CDH3: variants seen among roughly 807,000 people sequenced by gnomAD.
CDH3 encodes cadherin 3.
In CDH3, 54 loss-of-function variants were observed where a neutral mutation model predicts 82.0. The observed-to-expected ratio is 0.66, with a 90% confidence interval of 0.53 to 0.83. The LOEUF (loss-of-function observed/expected upper bound fraction) is 0.83. CDH3 is among the 40% of genes least tolerant of loss of function. The pLI is 0.00. For synonymous variants in CDH3, 446 were observed against 437.9 expected (o/e 1.02, Z -0.23); for missense variants, 1,054 against 1,084.6 (o/e 0.97, Z 0.40).
chr16:68,663,802 A>G (rs1247482594), intron 2 of CDH3, among the ~76,000 whole-genome samples: 1 of 151,412 alleles, frequency 6.6e-6, no homozygotes. Flanking sequence ...TTAATCAGAT[A>G]TTTTATTTTT....
At chr16:68,705,802 A>ACGCCTGTAATCC (rs1254219029) in intron 1 of CDH3, among the ~76,000 whole-genome samples, 2 of 149,164 alleles carry the variant, frequency 1.3e-5, no homozygotes, top group African/African-American at 4.9e-5. Context: ...GCGGTGGCTC[A>ACGCCTGTAATCC]CGCCTGTAAT....
downstream of CDH3, among the ~76,000 whole-genome samples, chr16:68,702,859 C>G (rs1961913672): frequency 6.6e-6 from 1 of 151,194 alleles, no homozygotes; most frequent in African/African-American, 2.4e-5. Flanking sequence ...AGCATGACTC[C>G]ATCTCAAAAA....
rs979684911 is a variant in CDH3, at chr16:68,645,325, G to A, written c.-55G>A. On this transcript the variant is annotated 5_prime_UTR_variant, in exon 1 of 16. Coordinates refer to ENST00000264012, the MANE Select transcript of CDH3 (RefSeq NM_001793.6). The stretch of plus-strand genomic sequence containing the variant: ...TGCGGTGCTCAAAGGGGCAAGAGCT[G>A]AGCGGAACACCGGCCCGCCGTCGCG... The A allele has an allele frequency of 1.4e-5, 22 of 1,585,252 alleles. No homozygotes were observed. The African/African-American group carries it at 3.0e-4, about 21-fold the overall frequency.
At chr16:68,712,646 T>G (rs1597828539) in intron 1 of CDH3, among the ~76,000 whole-genome samples, 2 of 151,980 alleles carry the variant, frequency 1.3e-5, no homozygotes, top group East Asian at 3.9e-4. Flanking sequence ...GTGGGAGAAC[T>G]TGGCTGAAAT....
intron 2 of CDH3, among the ~76,000 whole-genome samples, chr16:68,663,092 C>G (rs1451198844): frequency 6.6e-6 from 1 of 151,888 alleles, no homozygotes; most frequent in African/African-American, 2.4e-5. Flanking sequence ...TCTCAAACTC[C>G]TGACCTCATG....
At chr16:68,684,300 A>G (rs1961332812) in intron 9 of CDH3, among the ~76,000 whole-genome samples, 1 of 152,162 alleles carries the variant, frequency 6.6e-6, no homozygotes, top group African/African-American at 2.4e-5. Context: ...CATGAGCCAC[A>G]ATGCCAGGCC....
In CDH3 at chr16:68,710,387, T is replaced by A. The variant is rs533538803; in HGVS notation, c.100-12038T>A. Reference sequence around the variant, plus strand: ...AGTGGTTCTCAACCAGGGGTAGTTATGCCATCTCAGGGGATATTTGGCAAT... The same window carrying A: ...AGTGGTTCTCAACCAGGGGTAGTTAAGCCATCTCAGGGGATATTTGGCAAT... On this transcript the variant is annotated intron_variant, in intron 1 of 2. Coordinates refer to the CDH3 transcript ENST00000569080. Among the ~76,000 whole-genome samples, 6 of 152,356 alleles carry A rather than the reference T, an allele frequency of 3.9e-5. No individual in the cohort carries two copies. In the South Asian group the frequency reaches 1.2e-3, roughly 32 times the overall value.
At position 68,684,625 on chromosome 16, in the gene CDH3, GAAGTGACC is replaced by G; in HGVS notation, c.1228_1235del (p.Val410ArgfsTer24). ...CAAAAACCAGCACACCCTGTACGTT[GAAGTGACC>G]AACGAGGCCCCTTTTGTGCTGAAGC... On this transcript the variant is annotated frameshift_variant, in exon 10 of 16. Transcript: ENST00000264012. LOFTEE classifies it high-confidence loss of function. 1 of 1,614,194 alleles carries G rather than the reference GAAGTGACC, an allele frequency of 6.2e-7. No homozygotes were observed. The highest frequency in any genetic ancestry group is 8.5e-7 in the Non-Finnish European group (1 of 1,180,040).
At chr16:68,664,181 C>T (rs971866914) in intron 2 of CDH3, among the ~76,000 whole-genome samples, 14 of 151,988 alleles carry the variant, frequency 9.2e-5, no homozygotes, top group Non-Finnish European at 1.8e-4. Context: ...ATGCTATTCC[C>T]TGGGGGAGAA....
chr16:68,681,198 C>G, intron 8 of CDH3, 102 bp downstream of exon 8: 2 of 1,287,480 alleles, frequency 1.6e-6, no homozygotes, highest in South Asian at 1.2e-5. Context: ...AAATGCCAGT[C>G]TCAGCACTAT....
chr16:68,699,240 C>T lies in CDH3; in HGVS notation c.*840C>T, dbSNP rs1264025935. The stretch of plus-strand genomic sequence containing the variant: ...GCAGGGGATACTCAGGGTCAGCTTC[C>T]ATGCCTAAGTGGGCTCAGGGAGGGG... On this transcript the variant is annotated 3_prime_UTR_variant, in exon 16 of 16. Coordinates refer to ENST00000264012, the MANE Select transcript of CDH3 (RefSeq NM_001793.6). The T allele has an allele frequency of 6.6e-6, 1 of 152,188 alleles. No individual in the cohort carries two copies. Among genetic ancestry groups the T allele is most frequent in the Non-Finnish European group, 1.5e-5 (1 of 68,066 alleles). 9.4% of individuals were successfully genotyped at this position (152,188 alleles called of 1,614,324 possible). A position where few individuals can be genotyped will look rare whatever the true frequency, so the allele number is the denominator to read the frequency against.
At chr16:68,671,944 AAAACT>A (rs1960893742) in intron 2 of CDH3, among the ~76,000 whole-genome samples, 1 of 152,188 alleles carries the variant, frequency 6.6e-6, no homozygotes, top group African/African-American at 2.4e-5. Context: ...GTGTTAAGGG[AAAACT>A]TGGACCTGCA....
In CDH3 at chr16:68,662,208, G is replaced by C. The variant is rs557399524; in HGVS notation, c.161-14177G>C. On this transcript the variant is annotated intron_variant, in intron 2 of 15. Transcript: ENST00000264012. ...GCAAGGAGACACTGTTCCAGACAGA[G>C]GGAGTAGTGTGTGCAAAGGCCCTGT... is the stretch of plus-strand genomic sequence containing the variant. 1.1e-4 allele frequency among the ~76,000 whole-genome samples: 17 copies of C among 152,318 alleles called. No individual in the cohort carries two copies. The South Asian group carries it at 3.3e-3, about 30-fold the overall frequency.
At chr16:68,712,040 T>TTC (rs1555508293) in intron 1 of CDH3, among the ~76,000 whole-genome samples, 1 of 125,498 alleles carries the variant, frequency 8.0e-6, no homozygotes. Context: ...TTGTTTTCTT[T>TTC]TTTTTTTTTT....
Position 68,652,670 on chromosome 16 carries a change from C to T in CDH3, c.160+6920C>T, listed in dbSNP as rs139028389. Among the ~76,000 whole-genome samples the T allele has an allele frequency of 7.7e-3, 1,169 of 152,290 alleles. 19 individuals are homozygous for T. The highest frequency in any genetic ancestry group is 0.027 in the African/African-American group (1,111 of 41,556). ...TTAAAACCCCTGTGTTTCTGGCGCA[C>T]AGATCAAGAAACAGCATTACCAGAG... On this transcript the variant is annotated intron_variant, in intron 2 of 15. Coordinates refer to ENST00000264012, the MANE Select transcript of CDH3 (RefSeq NM_001793.6).
chr16:68,678,284 C>T lies in CDH3; in HGVS notation c.390+7C>T. 1.2e-6 allele frequency: 2 copies of T among 1,614,124 alleles called. No individual in the cohort carries two copies. Among genetic ancestry groups the T allele is most frequent in the Non-Finnish European group, 1.7e-6 (2 of 1,179,950 alleles). On this transcript the variant is annotated splice_region_variant and intron_variant, in intron 4 of 15. Coordinates refer to ENST00000264012, the MANE Select transcript of CDH3 (RefSeq NM_001793.6). The stretch of plus-strand genomic sequence containing the variant: ...CCCCCAGAGACTGAATCAGGTACGA[C>T]TGTGCCTTCTCCTGGGAAGCATTGG...
intron 2 of CDH3, among the ~76,000 whole-genome samples, chr16:68,662,170 T>G (rs1960599456): frequency 6.6e-6 from 1 of 152,058 alleles, no homozygotes; most frequent in Non-Finnish European, 1.5e-5. Flanking sequence ...CTGTGTAAAA[T>G]CGGGATGGGA....
At chr16:68,701,841 T>G (rs1464253334), downstream of CDH3, among the ~76,000 whole-genome samples, 1 of 150,594 alleles carries the variant, frequency 6.6e-6, no homozygotes, top group Non-Finnish European at 1.5e-5. Context: ...CTGGCCAAGA[T>G]GGTGAAATCT....
intron 2 of CDH3, among the ~76,000 whole-genome samples, chr16:68,655,741 A>G (rs1281961303): frequency 6.6e-6 from 1 of 152,166 alleles, no homozygotes; most frequent in Non-Finnish European, 1.5e-5. Flanking sequence ...AAGCACCTGT[A>G]ATCCCAGCTT....
Sources: gnomAD v4.1 joint callset for allele counts (sites outside exome capture counted in the v4.1 genomes callset) on GRCh38, gnomAD v4.1.1 for gene constraint, MANE v1.5 for transcripts, NCBI Gene and HGNC (gene_info 2026-07-23, HGNC 2026-07-21) for gene names.